FOXP4: variants seen among roughly 807,000 people sequenced by gnomAD.
The protein encoded by FOXP4 is forkhead box protein P4.
FOXP4 carries 25 observed loss-of-function variants against 82.6 expected under a neutral mutation model. That is an observed-to-expected ratio of 0.30 (90% CI 0.22 to 0.42). FOXP4 has a LOEUF of 0.42. FOXP4 is among the 10% of genes least tolerant of loss of function. The pLI, the probability that FOXP4 is intolerant of heterozygous loss-of-function variation, is 1.00. For missense variants in FOXP4, 785 were observed against 900.9 expected (o/e 0.87, Z 1.65); for synonymous variants, 415 against 388.2 (o/e 1.07, Z -0.81).
intron 3 of FOXP4, among the ~76,000 whole-genome samples, chr6:41,582,431 G>T (rs938509787): frequency 6.6e-6 from 1 of 152,220 alleles, no homozygotes; most frequent in Admixed American, 6.5e-5. Flanking sequence ...CCAGTTAGCC[G>T]ACCGGGAAAG....
intron 1 of FOXP4, among the ~76,000 whole-genome samples, chr6:41,560,562 C>A (rs760364565): frequency 6.6e-6 from 1 of 152,186 alleles, no homozygotes; most frequent in Non-Finnish European, 1.5e-5. Flanking sequence ...GGACGCGCGC[C>A]CAGGAGCGCG....
Position 41,591,422 on chromosome 6 carries a change from T to A in FOXP4, c.1536+100T>A. 1 of 1,061,196 alleles carries A rather than the reference T, an allele frequency of 9.4e-7. No homozygotes were observed. The highest frequency in any genetic ancestry group is 1.4e-6 in the Non-Finnish European group (1 of 715,188). 65.7% of individuals were successfully genotyped at this position (1,061,196 alleles called of 1,614,324 possible). A position where few individuals can be genotyped will look rare whatever the true frequency, so the allele number is the denominator to read the frequency against. On this transcript the variant is annotated intron_variant, in intron 13 of 16. Coordinates refer to ENST00000307972, the MANE Select transcript of FOXP4 (RefSeq NM_001012426.2). This position sits in a 1 kb window ranked among gnomAD's most constrained non-coding sequence, Gnocchi z 4.2. ...CCTAACAATTAGTTCCCTAAACCAT[T>A]AGTCCTGCAGAAACAGCCACCCAAG...
chr6:41,578,808 C>T (rs559664020), intron 3 of FOXP4, among the ~76,000 whole-genome samples: 24 of 152,166 alleles, frequency 1.6e-4, no homozygotes, highest in South Asian at 1.2e-3. Flanking sequence ...GGTCACTACT[C>T]GGGCAGCCAC....
At chr6:41,597,343 G>A in intron 15 of FOXP4, 101 bp downstream of exon 15, 1 of 1,291,814 alleles carries the variant, frequency 7.7e-7, no homozygotes. Flanking sequence ...CACCAGAGGA[G>A]GGAAGGAGGG....
At chr6:41,567,966 C>G (rs1192185791) in intron 2 of FOXP4, among the ~76,000 whole-genome samples, 1 of 152,162 alleles carries the variant, frequency 6.6e-6, no homozygotes, top group African/African-American at 2.4e-5. Context: ...ATATTTGAGA[C>G]TTAAAAAAGG....
Position 41,584,992 on chromosome 6 carries a change from C to T in FOXP4, c.423+101C>T, listed in dbSNP as rs557119476. ...CAAGGGCCCAAGCTGTCCCAGAAAC[C>T]AGAGAGACTGCTCAGGCCAGACTGA... On this transcript the variant is annotated intron_variant, in intron 4 of 16. Transcript: ENST00000307972. 1.4e-5 allele frequency: 20 copies of T among 1,419,380 alleles called. No homozygotes were observed. The East Asian group carries it at 4.7e-4, about 33-fold the overall frequency. The allele number at this position is 1,419,380 out of a possible 1,614,324, so 87.9% of individuals were successfully genotyped here. A position where few individuals can be genotyped will look rare whatever the true frequency, so the allele number is the denominator to read the frequency against.
At position 41,560,304 on chromosome 6, in the gene FOXP4, A is replaced by G. The variant is rs373165709; in HGVS notation, c.-16-5441A>G. 6.6e-5 allele frequency among the ~76,000 whole-genome samples: 10 copies of G among 152,310 alleles called. No homozygotes were observed. In the East Asian group the frequency reaches 1.5e-3, roughly 24 times the overall value. On this transcript the variant is annotated intron_variant, in intron 1 of 16. Coordinates refer to ENST00000307972, the MANE Select transcript of FOXP4 (RefSeq NM_001012426.2). ...CTCTGAAAAAAACAAGTCATTCAGT[A>G]GTAAATTGGTGTTAGCGCTGGGGCT...
chr6:41,561,212 T>G (rs573476106), intron 1 of FOXP4, among the ~76,000 whole-genome samples: 3 of 152,158 alleles, frequency 2.0e-5, no homozygotes, highest in African/African-American at 7.2e-5. Flanking sequence ...GTGCCCTGGC[T>G]CCCCCACGGG....
rs1024207044 is a variant in FOXP4, at chr6:41,582,206, G to T, written c.301-2563G>T. Among the ~76,000 whole-genome samples the T allele has an allele frequency of 4.3e-4, 65 of 152,204 alleles. 5 individuals carry two copies. The highest frequency in any genetic ancestry group is 2.1e-4 in the South Asian group (1 of 4,832). ...CACCCCTGCTCCCACTGTCCCTTCC[G>T]GGTCAGGGTCAGGGCAGGTTATTTA... On this transcript the variant is annotated intron_variant, in intron 3 of 16. Coordinates refer to ENST00000307972, the MANE Select transcript of FOXP4 (RefSeq NM_001012426.2).
In FOXP4 at chr6:41,597,816, C is replaced by CAGCCCTGGCATGCTG; in HGVS notation, c.1763_1777dup (p.Ser588_Leu592dup). 6.2e-7 allele frequency: 1 copy of CAGCCCTGGCATGCTG among 1,607,394 alleles called. No individual in the cohort carries two copies. The highest frequency in any genetic ancestry group is 8.5e-7 in the Non-Finnish European group (1 of 1,179,228). On this transcript the variant is annotated inframe_insertion, in exon 16 of 17. Transcript: ENST00000307972. ...CCGAGAGCAGCTTCCCCCTCCTCAA[C>CAGCCCTGGCATGCTG]AGCCCTGGCATGCTGAACCCTGGCT...
intron 3 of FOXP4, among the ~76,000 whole-genome samples, chr6:41,584,248 G>A (rs1486865129): frequency 2.0e-5 from 3 of 152,246 alleles, no homozygotes; most frequent in Admixed American, 1.3e-4. Flanking sequence ...CTCGTGCAAG[G>A]TGGGCCACGT....
chr6:41,590,453 C>CGGGACAGCTCCAT, intron 12 of FOXP4, 106 bp downstream of exon 12: 2 of 1,195,704 alleles, frequency 1.7e-6, no homozygotes, highest in African/African-American at 1.5e-5. Context: ...AGCAATGGAG[C>CGGGACAGCTCCAT]TGTCCCGCTC....
chr6:41,596,020 C>T (rs1472395214), intron 14 of FOXP4, among the ~76,000 whole-genome samples: 1 of 152,160 alleles, frequency 6.6e-6, no homozygotes, highest in East Asian at 1.9e-4. Flanking sequence ...GCCTTAGCCT[C>T]CCGAGAAGCT....
In FOXP4 at chr6:41,590,090, G is replaced by A; in HGVS notation, c.1277G>A (p.Gly426Asp). 6.2e-7 allele frequency: 1 copy of A among 1,613,706 alleles called. No homozygotes were observed. Among genetic ancestry groups the A allele is most frequent in the South Asian group, 1.1e-5 (1 of 91,062 alleles). ...AAPVTPLRPP[G>D]LGSASLHGGG... ...CCTGTCACCCCTCTACGGCCCCCTG[G>A]CCTGGGCTCTGCCTCCCTGCATGGT... Residue 426 changes from glycine to aspartate, a missense_variant, in exon 11 of 17, where the codon GGC (glycine) becomes GAC (aspartate). Gly to Asp is a moderately conservative substitution (Grantham distance 94). This residue lies in a region of FOXP4 where 570 missense variants were observed against 634.0 expected (regional missense o/e 0.90). Transcript: ENST00000307972.
At chr6:41,557,764 G>A (rs757159556) in intron 1 of FOXP4, among the ~76,000 whole-genome samples, 1 of 152,102 alleles carries the variant, frequency 6.6e-6, no homozygotes, top group African/African-American at 2.4e-5. Context: ...CTGTAGGGTA[G>A]GATTATGAGT....
At chr6:41,550,346 G>A (rs745560556) in intron 1 of FOXP4, among the ~76,000 whole-genome samples, 16 of 152,192 alleles carry the variant, frequency 1.1e-4, no homozygotes, top group African/African-American at 3.6e-4. Context: ...GCACGGTGCC[G>A]GGTGCATGGT....
At position 41,591,577 on chromosome 6, in the gene FOXP4, C is replaced by T. The variant is rs1028660810; in HGVS notation, c.1536+255C>T. 6.6e-6 allele frequency among the ~76,000 whole-genome samples: 1 copy of T among 152,146 alleles called. No homozygotes were observed. On this transcript the variant is annotated intron_variant, in intron 13 of 16. Transcript: ENST00000307972. The surrounding 1 kb of genome is among the most constrained non-coding windows in gnomAD (Gnocchi z 4.2). ...TGGGAAGCAATCCTTCTCTAGGGTA[C>T]ACCCCCAAGGGCCCCAAAGACGCCA...
At chr6:41,557,443 C>A (rs1204672017) in intron 1 of FOXP4, among the ~76,000 whole-genome samples, 2 of 152,178 alleles carry the variant, frequency 1.3e-5, no homozygotes, top group Non-Finnish European at 2.9e-5. Context: ...CATAGAGTAT[C>A]CTGTTCCCAT....
At position 41,587,288 on chromosome 6, in the gene FOXP4, C is replaced by G; in HGVS notation, c.659-11C>G. On this transcript the variant is annotated splice_polypyrimidine_tract_variant and intron_variant, in intron 6 of 16. Coordinates refer to ENST00000307972, the MANE Select transcript of FOXP4 (RefSeq NM_001012426.2). ...GTGGGGCCCTGCCAGCCTCCCCTGT[C>G]TCTCCCACAGCAGCTGTTTGCCCAA... The G allele has an allele frequency of 1.2e-6, 2 of 1,612,058 alleles. No individual in the cohort carries two copies. Among genetic ancestry groups the G allele is most frequent in the Non-Finnish European group, 1.7e-6 (2 of 1,179,852 alleles).
Sources: allele counts gnomAD v4.1 joint callset (sites outside exome capture counted in the v4.1 genomes callset), GRCh38; gene constraint gnomAD v4.1.1; regional missense constraint gnomAD v4.1.1; non-coding constraint Gnocchi (gnomAD v3.1); transcripts MANE v1.5; gene names NCBI Gene and HGNC (gene_info 2026-07-23, HGNC 2026-07-21).